Variants in ASPM observed in about 807,000 individuals in gnomAD.
The protein encoded by ASPM is assembly factor for spindle microtubules, also known as abnormal spindle-like microcephaly-associated protein.
ASPM carries 256 observed loss-of-function variants against 366.4 expected under a neutral mutation model. The ratio of observed to expected loss-of-function variants is 0.70; its 90% CI spans 0.63 to 0.77. The LOEUF (loss-of-function observed/expected upper bound fraction) is 0.77. Ranked by LOEUF, ASPM falls within the 30% of genes least tolerant of loss-of-function variation. ASPM has a pLI of 0.00. For synonymous variants in ASPM, 1,414 were observed against 1,342.9 expected, an observed-to-expected ratio of 1.05 and a Z score of -1.16; for missense variants, 4,146 against 4,090.4, an observed-to-expected ratio of 1.01 and a Z score of -0.37.
chr1:197,140,540 G>A (rs569631042), intron 3 of ASPM, among the ~76,000 whole-genome samples: 58 of 152,300 alleles, frequency 3.8e-4, no homozygotes, highest in African/African-American at 1.3e-3. Flanking sequence ...AGGATACTGA[G>A]GCTTTGAGCA....
chr1:197,092,040 GCT>G lies in ASPM; in HGVS notation c.9309_9310del (p.Arg3103SerfsTer20), dbSNP rs587783289. 2 of 1,611,516 alleles carry G rather than the reference GCT, an allele frequency of 1.2e-6. No homozygotes were observed. Among genetic ancestry groups the G allele is most frequent in the Non-Finnish European group, 1.7e-6 (2 of 1,178,478 alleles). On this transcript the variant is annotated frameshift_variant, in exon 22 of 28. Coordinates refer to ENST00000367409, the MANE Select transcript of ASPM (RefSeq NM_018136.5). LOFTEE classifies it high-confidence loss of function. ...AGTGAAGTGAAGAAGTCGAATTTTG[GCT>G]CTCTGTTCTAAAAACTAAAGGTGAA...
intron 12 of ASPM, 120 bp downstream of exon 12, chr1:197,124,750 G>A (rs1658032350): frequency 1.3e-6 from 1 of 781,572 alleles, no homozygotes; most frequent in South Asian, 1.5e-5. Context: ...CAGTTACTGG[G>A]GCAAAATAAA....
rs771315586 is a variant in ASPM, at chr1:197,103,226, T to A, written c.6025A>T (p.Ile2009Phe). The A allele has an allele frequency of 1.9e-6, 3 of 1,612,924 alleles. No homozygotes were observed. In the South Asian group the frequency reaches 3.3e-5, roughly 18 times the overall value. Residue 2009 changes from isoleucine (I) to phenylalanine (F), a missense_variant, in exon 18 of 28, where the codon ATT (isoleucine) becomes TTT (phenylalanine). By Grantham distance (21) the Ile-to-Phe change is conservative. This residue lies in a region of ASPM where 3,624 missense variants were observed against 3,591.7 expected (regional missense o/e 1.01). Coordinates refer to ENST00000367409, the MANE Select transcript of ASPM (RefSeq NM_018136.5). The part of the protein sequence containing the change: ...LIQKYYRAYS[I>F]GREQNHLYLK... ...TATAAATGATTCTGTTCTCTTCCAA[T>A]ACTGTAAGCCCTATAATACTTTTGA...
Position 197,143,401 on chromosome 1 carries a change from A to G in ASPM, c.851T>C (p.Val284Ala). 1 of 1,613,956 alleles carries G rather than the reference A, an allele frequency of 6.2e-7. No homozygotes were observed. The highest frequency in any genetic ancestry group is 8.5e-7 in the Non-Finnish European group (1 of 1,179,810). The stretch of plus-strand genomic sequence containing the variant: ...CTCTCCTCTTTGGCCATTAACATTT[A>G]CGGAATTAAAGGAAGTTTCAGTTAC... The part of the protein sequence containing the change: ...KAVTETSFNS[V>A]NVNGQRGENS... Residue 284 changes from valine (V) to alanine (A), a missense_variant, in exon 3 of 28, where the codon GTA becomes GCA. Around this residue, in one of 3 missense-constraint regions of ASPM, gnomAD observed 512 missense variants for 471.7 expected, o/e 1.09. Coordinates refer to ENST00000367409, the MANE Select transcript of ASPM (RefSeq NM_018136.5).
intron 17 of ASPM, among the ~76,000 whole-genome samples, chr1:197,106,911 A>C (rs1279518412): frequency 6.6e-6 from 1 of 152,116 alleles, no homozygotes; most frequent in Non-Finnish European, 1.5e-5. Flanking sequence ...TCTACCACAG[A>C]TATCTGCAGC....
chr1:197,125,684 CA>C (rs1279171416), intron 10 of ASPM, among the ~76,000 whole-genome samples: 1 of 151,930 alleles, frequency 6.6e-6, no homozygotes. Context: ...CTGGTAATGG[CA>C]AAACTAAGAT....
At position 197,139,440 on chromosome 1, in the gene ASPM, CA is replaced by C. The variant is rs1658517188; in HGVS notation, c.2026+326del. 5.1e-5 allele frequency: 28 copies of C among 553,444 alleles called. No individual in the cohort carries two copies. The East Asian group carries it at 7.4e-4, about 15-fold the overall frequency. The allele number at this position is 553,444 out of a possible 1,614,324, so 34.3% of individuals were successfully genotyped here. On this transcript the variant is annotated intron_variant, in intron 4 of 27. Coordinates refer to ENST00000367409, the MANE Select transcript of ASPM (RefSeq NM_018136.5). ...TGAAACCCCGTCTCCACTAAAAATA[CA>C]AAAAAATTAGCCGGGCATGGTCGTG...
At chr1:197,093,392 G>T in intron 20 of ASPM, 131 bp from the exon 21 acceptor site, 1 of 807,726 alleles carries the variant, frequency 1.2e-6, no homozygotes, top group Non-Finnish European at 2.1e-6. Context: ...ATGTTTCATA[G>T]ATATGAAATG....
In ASPM at chr1:197,135,843, C is replaced by T. The variant is rs563858448; in HGVS notation, c.2027-601G>A. Among the ~76,000 whole-genome samples, 8 of 152,090 alleles carry T rather than the reference C, an allele frequency of 5.3e-5. No individual in the cohort carries two copies. The East Asian group carries it at 1.5e-3, about 29-fold the overall frequency. ...TGGCACATGCCTGTAGCCCCAGCTA[C>T]CTGGGAGGCCGAGACGGGAGAATCA... On this transcript the variant is annotated intron_variant, in intron 4 of 27. Transcript: ENST00000367409.
At chr1:197,108,118 T>C (rs575310850) in intron 17 of ASPM, among the ~76,000 whole-genome samples, 4 of 151,880 alleles carry the variant, frequency 2.6e-5, no homozygotes, top group South Asian at 4.2e-4. Flanking sequence ...AGAAAAATAA[T>C]AGGAAAATCT....
chr1:197,134,852 A>C (rs1284870354), intron 5 of ASPM, among the ~76,000 whole-genome samples: 1 of 152,220 alleles, frequency 6.6e-6, no homozygotes, highest in African/African-American at 2.4e-5. Context: ...CACGGGACTG[A>C]TTGCATTGAC....
rs201285805 is a variant in ASPM at position 197,096,093 on chromosome 1, C to A, written c.8892G>T (p.Trp2964Cys). The A allele has an allele frequency of 2.4e-5, 38 of 1,609,768 alleles. No individual in the cohort carries two copies. In the Middle Eastern group the frequency reaches 5.0e-4, roughly 21 times the overall value. ...CTTTGTGTGCTCTCCAACATCTATA[C>A]CAGGCTTGAATCTTGCAGGCAGCTT... is the stretch of plus-strand genomic sequence containing the variant. ...KVKAACKIQAWYRCWRAHKEY... is the reference protein window; with the variant it reads ...KVKAACKIQACYRCWRAHKEY... Residue 2964 changes from tryptophan to cysteine, a missense_variant, in exon 19 of 28, where the codon TGG becomes TGT. Around this residue, in one of 3 missense-constraint regions of ASPM, gnomAD observed 3,624 missense variants for 3,591.7 expected, o/e 1.01. Coordinates refer to ENST00000367409, the MANE Select transcript of ASPM (RefSeq NM_018136.5).
intron 20 of ASPM, among the ~76,000 whole-genome samples, chr1:197,093,706 A>G (rs946663835): frequency 6.6e-6 from 1 of 151,868 alleles, no homozygotes; most frequent in African/African-American, 2.4e-5. Flanking sequence ...GAGAATTACC[A>G]AAATGAGACA....
At chr1:197,097,977 CGT>C (rs999480262) in intron 18 of ASPM, among the ~76,000 whole-genome samples, 10 of 147,992 alleles carry the variant, frequency 6.8e-5, no homozygotes, top group South Asian at 4.3e-4. Flanking sequence ...TATAGATATA[CGT>C]GTGTGTATAT....
intron 22 of ASPM, among the ~76,000 whole-genome samples, chr1:197,091,632 T>C (rs1333996088): frequency 6.6e-6 from 1 of 152,036 alleles, no homozygotes; most frequent in Non-Finnish European, 1.5e-5. Flanking sequence ...TGATACTTTA[T>C]GTTGGCAAGC....
chr1:197,096,054 T>C lies in ASPM; in HGVS notation c.8931A>G (p.Ile2977Met). The C allele has an allele frequency of 1.2e-6, 2 of 1,609,184 alleles. No individual in the cohort carries two copies. The highest frequency in any genetic ancestry group is 1.7e-6 in the Non-Finnish European group (2 of 1,176,212). The change falls in exon 19 of 28, where the codon ATA becomes ATG. Residue 2977 changes from isoleucine (I) to methionine (M), a missense_variant. By Grantham distance (10) the Ile-to-Met change is conservative (BLOSUM62 1). Around this residue, in one of 3 missense-constraint regions of ASPM, gnomAD observed 3,624 missense variants for 3,591.7 expected, o/e 1.01. Transcript: ENST00000367409. ...CTTGAATAATTTTAACAGCTTTTAA[T>C]ATAGCTAGATATTCTTTGTGTGCTC... Reference protein sequence around the residue: ...CWRAHKEYLAILKAVKIIQGC... With the variant: ...CWRAHKEYLAMLKAVKIIQGC...
intron 13 of ASPM, 95 bp from the exon 14 acceptor site, chr1:197,122,690 C>A: frequency 8.4e-7 from 1 of 1,185,808 alleles, no homozygotes; most frequent in East Asian, 2.6e-5. Context: ...AAGGCAGAGA[C>A]TGGAGTGACA....
intron 10 of ASPM, among the ~76,000 whole-genome samples, 200 bp downstream of exon 10, chr1:197,128,288 AAG>A (rs1023742977): frequency 3.9e-5 from 6 of 151,968 alleles, no homozygotes; most frequent in Non-Finnish European, 8.8e-5. Context: ...ATCAGGAAAA[AAG>A]GTGTGGATAG....
chr1:197,127,587 C>G (rs965767146), intron 10 of ASPM, among the ~76,000 whole-genome samples: 1 of 151,944 alleles, frequency 6.6e-6, no homozygotes, highest in African/African-American at 2.4e-5. Flanking sequence ...ACCCAGATAC[C>G]CTGAAGAGGC....
Sources: allele counts gnomAD v4.1 joint callset (sites outside exome capture counted in the v4.1 genomes callset), GRCh38; gene constraint gnomAD v4.1.1; regional missense constraint gnomAD v4.1.1; transcripts MANE v1.5; gene names NCBI Gene and HGNC (gene_info 2026-07-23, HGNC 2026-07-21).